SHISA6: variants seen among roughly 807,000 people sequenced by gnomAD.
The protein encoded by SHISA6 is protein shisa-6.
Under a neutral mutation model 47.9 loss-of-function variants are expected in SHISA6, and 22 were observed. The observed-to-expected ratio is 0.46, with a 90% CI of 0.33 to 0.66. SHISA6 has a LOEUF of 0.66. Among genes scored for constraint, SHISA6 ranks in the 30% least tolerant of loss-of-function variants. SHISA6 has a pLI of 0.02. For synonymous variants in SHISA6, 388 were observed against 337.8 expected (o/e 1.15, Z -1.63); for missense variants, 680 against 764.6 (o/e 0.89, Z 1.30).
At chr17:11,526,272 C>T (rs937644790) in intron 3 of SHISA6, among the ~76,000 whole-genome samples, 5 of 152,148 alleles carry the variant, frequency 3.3e-5, no homozygotes, top group Non-Finnish European at 7.3e-5. Flanking sequence ...AGATTGCATT[C>T]CTGGGCAGTG....
chr17:11,549,583 T>C (rs2071912888), intron 3 of SHISA6, among the ~76,000 whole-genome samples: 1 of 152,168 alleles, frequency 6.6e-6, no homozygotes, highest in Admixed American at 6.5e-5. Flanking sequence ...TATGAAAGTG[T>C]TCAGCACAGA....
At chr17:11,549,156 G>C (rs1246666168) in intron 3 of SHISA6, among the ~76,000 whole-genome samples, 1 of 152,120 alleles carries the variant, frequency 6.6e-6, no homozygotes, top group African/African-American at 2.4e-5. Context: ...TCATTGCAAT[G>C]TTATTTAGGT....
At chr17:11,306,762 T>G (rs908805432) in intron 2 of SHISA6, among the ~76,000 whole-genome samples, 1 of 152,202 alleles carries the variant, frequency 6.6e-6, no homozygotes, top group African/African-American at 2.4e-5. Context: ...TTGCTTCCTG[T>G]CAGTTCCATG....
intron 3 of SHISA6, among the ~76,000 whole-genome samples, chr17:11,475,886 A>G (rs1916040348): frequency 6.6e-6 from 1 of 152,010 alleles, no homozygotes; most frequent in African/African-American, 2.4e-5. Context: ...AATGTTTGGT[A>G]GAGTTCATGA....
In SHISA6 at chr17:11,344,486, T is replaced by G. The variant is rs140605756; in HGVS notation, c.800-34928T>G. Among the ~76,000 whole-genome samples the G allele has an allele frequency of 2.5e-3, 383 of 152,276 alleles. 1 individual carries two copies. The highest frequency in any genetic ancestry group is 0.014 in the Middle Eastern group (4 of 294). On this transcript the variant is annotated intron_variant, in intron 2 of 5. Coordinates refer to ENST00000441885, the MANE Select transcript of SHISA6 (RefSeq NM_207386.4). Reference sequence around the variant, plus strand: ...TTTATATTTTGATTTATGAGTCAGCTTCATTATTTTGCATGTGGATATCCA... The same window carrying G: ...TTTATATTTTGATTTATGAGTCAGCGTCATTATTTTGCATGTGGATATCCA...
At chr17:11,308,107 A>T (rs1239399261) in intron 2 of SHISA6, among the ~76,000 whole-genome samples, 1 of 152,126 alleles carries the variant, frequency 6.6e-6, no homozygotes, top group African/African-American at 2.4e-5. Context: ...TCTATCATGG[A>T]AGGGCAGGGT....
chr17:11,467,156 T>C (rs1191678274), intron 3 of SHISA6, among the ~76,000 whole-genome samples: 1 of 152,148 alleles, frequency 6.6e-6, no homozygotes, highest in African/African-American at 2.4e-5. Context: ...TTCCTGTGGG[T>C]TCAAGGATCT....
chr17:11,396,290 T>C (rs1488765280), intron 3 of SHISA6, among the ~76,000 whole-genome samples: 1 of 152,240 alleles, frequency 6.6e-6, no homozygotes, highest in Non-Finnish European at 1.5e-5. Flanking sequence ...AATATTTCAT[T>C]TAGCATTTTT....
intron 4 of SHISA6, among the ~76,000 whole-genome samples, chr17:11,554,586 C>T (rs147537061): frequency 6.6e-6 from 1 of 152,124 alleles, no homozygotes; most frequent in Non-Finnish European, 1.5e-5. Flanking sequence ...AGAGCCTGCC[C>T]CCTCTCAGAA....
chr17:11,321,182 A>T (rs1480017468), intron 2 of SHISA6, among the ~76,000 whole-genome samples: 1 of 152,206 alleles, frequency 6.6e-6, no homozygotes, highest in Non-Finnish European at 1.5e-5. Flanking sequence ...GCCATGCATC[A>T]CTTTTATAGT....
intron 2 of SHISA6, 149 bp downstream of exon 2, chr17:11,263,675 T>G: frequency 1.0e-6 from 1 of 1,001,332 alleles, no homozygotes. Context: ...TTTGGGACTC[T>G]CTCCCTGGGG....
chr17:11,270,655 C>CGTGTTTTCATAAAATTTGGACAT (rs1463728145), intron 2 of SHISA6, among the ~76,000 whole-genome samples: 2 of 152,162 alleles, frequency 1.3e-5, no homozygotes, highest in Admixed American at 6.5e-5. Context: ...TGAATGGATG[C>CGTGTTTTCATAAAATTTGGACAT]GTGTTTTCAT....
intron 3 of SHISA6, among the ~76,000 whole-genome samples, chr17:11,480,846 A>G (rs537003807): frequency 3.9e-5 from 6 of 152,294 alleles, no homozygotes; most frequent in African/African-American, 1.4e-4. Flanking sequence ...TAATGGTACT[A>G]CTTCTGGGGC....
chr17:11,548,716 A>C (rs530847214), intron 3 of SHISA6, among the ~76,000 whole-genome samples: 37 of 152,216 alleles, frequency 2.4e-4, no homozygotes, highest in South Asian at 6.2e-4. Flanking sequence ...ACTTTTGAAC[A>C]ATTTAAATAC....
intron 3 of SHISA6, among the ~76,000 whole-genome samples, chr17:11,543,797 TAG>T (rs2071854280): frequency 6.7e-6 from 1 of 149,982 alleles, no homozygotes; most frequent in South Asian, 2.1e-4. Context: ...AACTCAGAAA[TAG>T]GCCCATGCAA....
intron 3 of SHISA6, among the ~76,000 whole-genome samples, chr17:11,544,961 CA>C (rs374571214): frequency 2.7e-3 from 170 of 62,654 alleles, no homozygotes; most frequent in East Asian, 0.014. Context: ...ACTCTCTCTC[CA>C]AAAAAAAAAA....
intron 2 of SHISA6, among the ~76,000 whole-genome samples, chr17:11,322,532 A>G (rs1910748615): frequency 6.6e-6 from 1 of 152,218 alleles, no homozygotes; most frequent in Non-Finnish European, 1.5e-5. Context: ...ATCTTAACTT[A>G]GAACAGTATG....
intron 2 of SHISA6, among the ~76,000 whole-genome samples, chr17:11,278,611 C>G (rs62062012): frequency 0.2 from 30,418 of 152,212 alleles, 3,148 homozygotes; most frequent in East Asian, 0.23. Context: ...TCCGCCTACC[C>G]CTGCGAGGAG....
At chr17:11,323,472 T>C (rs1461811756) in intron 2 of SHISA6, among the ~76,000 whole-genome samples, 1 of 151,766 alleles carries the variant, frequency 6.6e-6, no homozygotes, top group Non-Finnish European at 1.5e-5. Flanking sequence ...CTGACCAACA[T>C]GGAGAAACCC....
Sources: allele counts gnomAD v4.1 joint callset (sites outside exome capture counted in the v4.1 genomes callset), GRCh38; gene constraint gnomAD v4.1.1; transcripts MANE v1.5; gene names NCBI Gene and HGNC (gene_info 2026-07-23, HGNC 2026-07-21).